CTNNA3: variants seen among roughly 807,000 people sequenced by gnomAD.
CTNNA3 encodes catenin alpha 3.
CTNNA3 carries 76 observed loss-of-function variants against 95.7 expected under a neutral mutation model. The observed-to-expected ratio is 0.79, with a 90% confidence interval of 0.66 to 0.96. CTNNA3 has a LOEUF of 0.96. Ranked by LOEUF, CTNNA3 falls within the 40% of genes least tolerant of loss-of-function variation. The probability of loss-of-function intolerance (pLI) is 0.00; values close to 1 mark genes in which losing one functional copy is unlikely to be tolerated. For synonymous variants in CTNNA3, 431 were observed against 374.4 expected (o/e 1.15, Z -1.74); for missense variants, 1,191 against 1,089.8 (o/e 1.09, Z -1.31).
chr10:66,677,567 G>A (rs528283917), intron 9 of CTNNA3, among the ~76,000 whole-genome samples: 7 of 152,122 alleles, frequency 4.6e-5, no homozygotes, highest in Admixed American at 2.6e-4. Flanking sequence ...GAATCATGTG[G>A]GCGGAGCTTT....
rs13377029 is a variant in CTNNA3 at position 66,883,716 on chromosome 10, A to G, written c.1048-108192T>C. On this transcript the variant is annotated intron_variant, in intron 7 of 17. Transcript: ENST00000433211. ...GGCTGCCTGCTCTTTTTTCATTTTT[A>G]TACTATGTTGCCCAAAGGAGTTAAA... Among the ~76,000 whole-genome samples, 526 of 152,142 alleles carry G rather than the reference A, an allele frequency of 3.5e-3. 3 individuals carry two copies. The highest frequency in any genetic ancestry group is 0.012 in the African/African-American group (506 of 41,540).
At chr10:67,198,331 G>GTT (rs1863472710) in intron 6 of CTNNA3, among the ~76,000 whole-genome samples, 1 of 152,116 alleles carries the variant, frequency 6.6e-6, no homozygotes, top group Admixed American at 6.6e-5. Context: ...GAGGATAAAA[G>GTT]TTTAAGCTGT....
chr10:67,477,975 A>G (rs1439204714), intron 5 of CTNNA3, among the ~76,000 whole-genome samples: 1 of 152,236 alleles, frequency 6.6e-6, no homozygotes, highest in Non-Finnish European at 1.5e-5. Context: ...AGAGATAAAC[A>G]TCTTAAAAAT....
intron 3 of CTNNA3, among the ~76,000 whole-genome samples, chr10:67,571,783 TTGAC>T (rs1841988615): frequency 6.6e-6 from 1 of 152,160 alleles, no homozygotes; most frequent in Non-Finnish European, 1.5e-5. Flanking sequence ...ATGGCAAACA[TTGAC>T]TGCATGTGGC....
intron 5 of CTNNA3, among the ~76,000 whole-genome samples, chr10:67,262,058 T>A (rs988284324): frequency 2.0e-5 from 3 of 152,188 alleles, no homozygotes; most frequent in African/African-American, 7.2e-5. Flanking sequence ...TGTACAATAA[T>A]ATTAAATATA....
In CTNNA3 at chr10:66,723,382, A is replaced by G. The variant is rs1243754072; in HGVS notation, c.1281+42882T>C. ...TTCTAAATCCTACAATCCTCTACGAATGGAAGCAATAGCACTACAGTTAAC... is the reference window on the plus strand; with the variant it reads ...TTCTAAATCCTACAATCCTCTACGAGTGGAAGCAATAGCACTACAGTTAAC... On this transcript the variant is annotated intron_variant, in intron 9 of 17. Coordinates refer to ENST00000433211, the MANE Select transcript of CTNNA3 (RefSeq NM_013266.4). Among the ~76,000 whole-genome samples the G allele has an allele frequency of 4.9e-3, 743 of 152,260 alleles. 1 individual carries two copies. Among genetic ancestry groups the G allele is most frequent in the African/African-American group, 0.017 (707 of 41,550 alleles).
chr10:66,621,979 G>A (rs1844767324), intron 9 of CTNNA3, among the ~76,000 whole-genome samples, 195 bp from the exon 10 acceptor site: 1 of 152,090 alleles, frequency 6.6e-6, no homozygotes, highest in African/African-American at 2.4e-5. Context: ...AAAGGACCTA[G>A]ATAATTGTTT....
chr10:66,316,610 T>C (rs1275561894), intron 12 of CTNNA3, among the ~76,000 whole-genome samples: 4 of 151,948 alleles, frequency 2.6e-5, no homozygotes, highest in Non-Finnish European at 5.9e-5. Flanking sequence ...TGTGCACATC[T>C]TGGGGATTTG....
At chr10:65,953,699 T>A (rs567744738) in intron 17 of CTNNA3, among the ~76,000 whole-genome samples, 1 of 152,352 alleles carries the variant, frequency 6.6e-6, no homozygotes, top group East Asian at 1.9e-4. Context: ...TCCATGTCCC[T>A]ACAAAGGTCA....
intron 13 of CTNNA3, among the ~76,000 whole-genome samples, chr10:66,174,954 G>A (rs757881175): frequency 5.7e-4 from 87 of 152,010 alleles, no homozygotes; most frequent in Non-Finnish European, 1.1e-3. Context: ...CAGTAGTAAT[G>A]CTTGGCCTAG....
intron 2 of CTNNA3, among the ~76,000 whole-genome samples, chr10:67,624,345 C>A (rs559310940): frequency 6.6e-6 from 1 of 152,252 alleles, no homozygotes; most frequent in African/African-American, 2.4e-5. Flanking sequence ...TCATGCTCTG[C>A]GGGCCCAACA....
chr10:66,941,411 A>AAT (rs1847986715), intron 7 of CTNNA3, among the ~76,000 whole-genome samples: 1 of 152,222 alleles, frequency 6.6e-6, no homozygotes, highest in Admixed American at 6.5e-5. Flanking sequence ...CTGCCAGGAG[A>AAT]ATATCTTAGG....
At chr10:66,597,511 CATATAT>C (rs369390875) in intron 10 of CTNNA3, among the ~76,000 whole-genome samples, 1,546 of 70,908 alleles carry the variant, frequency 0.022, 23 homozygotes, top group African/African-American at 0.034. Context: ...TTATTTCATA[CATATAT>C]ATATATATAT....
chr10:66,131,549 T>C (rs1274753318), intron 13 of CTNNA3, among the ~76,000 whole-genome samples: 1 of 152,152 alleles, frequency 6.6e-6, no homozygotes, highest in Non-Finnish European at 1.5e-5. Context: ...AGAAAAACTA[T>C]TTTAAAATTC....
intron 7 of CTNNA3, among the ~76,000 whole-genome samples, chr10:66,881,886 A>G (rs1454588051): frequency 6.6e-6 from 1 of 152,134 alleles, no homozygotes; most frequent in East Asian, 1.9e-4. Flanking sequence ...ATAACCAGGT[A>G]ATGTACGATG....
intron 17 of CTNNA3, among the ~76,000 whole-genome samples, chr10:65,938,820 G>A (rs2077382187): frequency 6.6e-6 from 1 of 151,958 alleles, no homozygotes. Flanking sequence ...AATGATAAGG[G>A]ATCAAATAGG....
At chr10:67,174,112 T>C (rs991901866) in intron 7 of CTNNA3, among the ~76,000 whole-genome samples, 1 of 152,232 alleles carries the variant, frequency 6.6e-6, no homozygotes, top group Non-Finnish European at 1.5e-5. Context: ...ACTTTTATTT[T>C]ACAAAAATTA....
chr10:66,016,202 C>G (rs1447692703), intron 15 of CTNNA3, among the ~76,000 whole-genome samples: 3 of 152,162 alleles, frequency 2.0e-5, no homozygotes, highest in Non-Finnish European at 4.4e-5. Context: ...TTTAATAGCT[C>G]ATTTATTGAG....
At chr10:65,984,909 G>C (rs1400653863) in intron 16 of CTNNA3, among the ~76,000 whole-genome samples, 2 of 150,922 alleles carry the variant, frequency 1.3e-5, no homozygotes, top group Non-Finnish European at 3.0e-5. Flanking sequence ...GGCATATATA[G>C]GCTTCAGTCA....
Sources: allele counts gnomAD v4.1 joint callset (sites outside exome capture counted in the v4.1 genomes callset), GRCh38; gene constraint gnomAD v4.1.1; transcripts MANE v1.5; gene names NCBI Gene and HGNC (gene_info 2026-07-23, HGNC 2026-07-21).